The following PCGF2 variants were observed in gnomAD, a reference collection of about 807,000 sequenced individuals.
PCGF2 encodes the protein polycomb group RING finger protein 2.
A neutral mutation model predicts 36.1 loss-of-function variants in PCGF2; 8 were observed. The observed-to-expected ratio is 0.22, with a 90% confidence interval of 0.13 to 0.40. The LOEUF (loss-of-function observed/expected upper bound fraction) is 0.40, where lower values mean the gene tolerates loss of function less well. Ranked by LOEUF, PCGF2 falls within the 10% of genes least tolerant of loss-of-function variation. The probability of loss-of-function intolerance (pLI) is 1.00; values close to 1 mark genes in which losing one functional copy is unlikely to be tolerated. For missense variants in PCGF2, 436 were observed against 475.9 expected (o/e 0.92, Z 0.78); for synonymous variants, 198 against 191.2 (o/e 1.04, Z -0.29).
intron 2 of PCGF2, among the ~76,000 whole-genome samples, chr17:38,742,255 G>A (rs1420777519): frequency 5.3e-5 from 8 of 152,196 alleles, no homozygotes; most frequent in African/African-American, 1.9e-4. Context: ...GGGTGGCCAA[G>A]CCCCAACAGC....
At chr17:38,735,954 C>G in intron 10 of PCGF2, 136 bp downstream of exon 10, 1 of 699,534 alleles carries the variant, frequency 1.4e-6, no homozygotes, top group South Asian at 1.7e-5. Context: ...CCTGCTGTAG[C>G]AAGCCACCCT....
At chr17:38,736,999 C>T (rs886096981) in intron 9 of PCGF2, among the ~76,000 whole-genome samples, 3 of 151,476 alleles carry the variant, frequency 2.0e-5, no homozygotes, top group African/African-American at 4.9e-5. Flanking sequence ...GGGTGTGGTG[C>T]CACATGCCTG....
upstream of PCGF2, chr17:38,749,346 G>A: frequency 8.2e-6 from 2 of 244,446 alleles, no homozygotes; most frequent in South Asian, 4.1e-5. The surrounding 1 kb of genome is among the most constrained non-coding windows in gnomAD (Gnocchi z 6.5). Flanking sequence ...GACTCCCACT[G>A]GCGCCCCGGC....
intron 2 of PCGF2, among the ~76,000 whole-genome samples, chr17:38,740,824 C>T (rs576487077): frequency 2.0e-5 from 3 of 152,068 alleles, no homozygotes; most frequent in Non-Finnish European, 4.4e-5. Context: ...TCCACACCTC[C>T]CCCCACCAGC....
At chr17:38,746,204 A>T (rs539515506) in intron 2 of PCGF2, among the ~76,000 whole-genome samples, 1 of 152,114 alleles carries the variant, frequency 6.6e-6, no homozygotes, top group East Asian at 1.9e-4. Context: ...AAACAAAGGC[A>T]AAACCCCAAA....
At chr17:38,745,706 C>T (rs1392222711) in intron 2 of PCGF2, among the ~76,000 whole-genome samples, 2 of 152,178 alleles carry the variant, frequency 1.3e-5, no homozygotes. Context: ...CAGTAATGCC[C>T]GGCTTCATCC....
Position 38,747,917 on chromosome 17 carries a change from G to A in PCGF2, c.-79C>T, listed in dbSNP as rs1439144050. The A allele has an allele frequency of 6.5e-6, 1 of 152,876 alleles. No individual in the cohort carries two copies. The highest frequency in any genetic ancestry group is 2.4e-5 in the African/African-American group (1 of 41,460). The allele number at this position is 152,876 out of a possible 1,614,324, so 9.5% of individuals were successfully genotyped here. On this transcript the variant is annotated 5_prime_UTR_variant, in exon 2 of 11. Coordinates refer to ENST00000620225, the MANE Select transcript of PCGF2 (RefSeq NM_007144.3). ...CTGCCCGGGGGCTGCTGCACAAAGA[G>A]GTGGTGGTCGAGGGAGACGCCAAAT...
chr17:38,740,829 A>T (rs555374601), intron 2 of PCGF2, among the ~76,000 whole-genome samples: 7 of 151,928 alleles, frequency 4.6e-5, no homozygotes, highest in Non-Finnish European at 1.0e-4. Context: ...ACCTCCCCCC[A>T]CCAGCACATC....
chr17:38,749,016 C>T (rs966528229), upstream of PCGF2, among the ~76,000 whole-genome samples: 2 of 151,710 alleles, frequency 1.3e-5, no homozygotes, highest in Non-Finnish European at 2.9e-5. The surrounding 1 kb of genome is among the most constrained non-coding windows in gnomAD (Gnocchi z 6.5). Flanking sequence ...GGGGTGAGGC[C>T]GGGTGGGGGG....
At chr17:38,747,634 C>A (rs1033649748) in intron 2 of PCGF2, among the ~76,000 whole-genome samples, 1 of 152,058 alleles carries the variant, frequency 6.6e-6, no homozygotes, top group Non-Finnish European at 1.5e-5. Context: ...GGACCCGGAC[C>A]CCGGCGGGGA....
At chr17:38,736,281 C>A in intron 9 of PCGF2, 111 bp from the exon 10 acceptor site, 1 of 703,554 alleles carries the variant, frequency 1.4e-6, no homozygotes, top group South Asian at 1.5e-5. Flanking sequence ...TACAGATGGT[C>A]CCTTATTTCT....
chr17:38,737,234 G>A (rs151016779), intron 9 of PCGF2, among the ~76,000 whole-genome samples: 16 of 152,306 alleles, frequency 1.1e-4, no homozygotes, highest in African/African-American at 3.6e-4. Context: ...AGGCTGAAGC[G>A]GGTGGGTCAC....
At chr17:38,740,180 G>C in intron 3 of PCGF2, 111 bp downstream of exon 3, 1 of 901,638 alleles carries the variant, frequency 1.1e-6, no homozygotes, top group African/African-American at 1.7e-5. Flanking sequence ...ACACGTGGGC[G>C]CGTTGGCTCT....
At chr17:38,748,620 T>C (rs549056929), upstream of PCGF2, among the ~76,000 whole-genome samples, 11 of 152,204 alleles carry the variant, frequency 7.2e-5, no homozygotes, top group African/African-American at 2.6e-4. Context: ...TTCTCTTATG[T>C]TACCTTCCGC....
chr17:38,747,215 G>C (rs1286128682), intron 2 of PCGF2, among the ~76,000 whole-genome samples: 1 of 152,096 alleles, frequency 6.6e-6, no homozygotes, highest in Non-Finnish European at 1.5e-5. Flanking sequence ...GCGAGGGGCA[G>C]CCCGGGCCCA....
intron 7 of PCGF2, 35 bp from the exon 8 acceptor site, chr17:38,738,630 C>A: frequency 6.4e-7 from 1 of 1,559,348 alleles, no homozygotes; most frequent in Non-Finnish European, 8.7e-7. Context: ...TAGGAAGACC[C>A]AGGAAGAACC....
At chr17:38,745,811 T>C (rs1907500768) in intron 2 of PCGF2, among the ~76,000 whole-genome samples, 1 of 151,994 alleles carries the variant, frequency 6.6e-6, no homozygotes, top group Non-Finnish European at 1.5e-5. Flanking sequence ...GGCCCAAACA[T>C]GACCATCAGC....
In PCGF2 at chr17:38,739,310, C is replaced by T. The variant is rs565438724; in HGVS notation, c.210-57G>A. The T allele has an allele frequency of 8.4e-5, 126 of 1,494,968 alleles. No individual in the cohort carries two copies. Among genetic ancestry groups the T allele is most frequent in the Admixed American group, 1.8e-4 (11 of 59,708 alleles). The allele number at this position is 1,494,968 out of a possible 1,614,324, so 92.6% of individuals were successfully genotyped here. ...TGCCTTCTCCAGAGCGCTCCGACCT[C>T]GCCCTGCTCTCCCAGCCAGGGTACC... On this transcript the variant is annotated intron_variant, in intron 4 of 10. Transcript: ENST00000620225. The surrounding 1 kb of genome is among the most constrained non-coding windows in gnomAD (Gnocchi z 4.0).
intron 2 of PCGF2, among the ~76,000 whole-genome samples, chr17:38,747,551 G>A (rs1470709857): frequency 6.6e-6 from 1 of 152,090 alleles, no homozygotes; most frequent in Non-Finnish European, 1.5e-5. Context: ...GCTCTGCTGA[G>A]GTGGTTCGGG....
Sources: allele counts gnomAD v4.1 joint callset (sites outside exome capture counted in the v4.1 genomes callset), GRCh38; gene constraint gnomAD v4.1.1; non-coding constraint Gnocchi (gnomAD v3.1); transcripts MANE v1.5; gene names NCBI Gene and HGNC (gene_info 2026-07-23, HGNC 2026-07-21).